The following FREM1 variants were observed in gnomAD, a reference collection of about 807,000 sequenced individuals.
The protein encoded by FREM1 is FRAS1-related extracellular matrix protein 1.
Under a neutral mutation model 210.1 loss-of-function variants are expected in FREM1, and 220 were observed. The observed-to-expected ratio is 1.05, with a 90% CI of 0.94 to 1.17. The LOEUF is 1.17. FREM1 is among the 50% of genes most tolerant of loss of function. The probability of loss-of-function intolerance (pLI) is 0.00; values close to 1 mark genes in which losing one functional copy is unlikely to be tolerated. For missense variants in FREM1, 3,454 were observed against 2,675.5 expected (o/e 1.29, Z -6.42); for synonymous variants, 1,189 against 980.2 (o/e 1.21, Z -3.98).
At chr9:14,781,149 C>T (rs1849586145) in intron 24 of FREM1, among the ~76,000 whole-genome samples, 2 of 152,218 alleles carry the variant, frequency 1.3e-5, no homozygotes, top group Non-Finnish European at 2.9e-5. Flanking sequence ...GTTTAGGTGA[C>T]TTCCTTTGCC....
chr9:14,864,797 A>G (rs1831215545), intron 2 of FREM1, among the ~76,000 whole-genome samples: 1 of 152,180 alleles, frequency 6.6e-6, no homozygotes, highest in South Asian at 2.1e-4. Context: ...ACATTTTCAG[A>G]CAACATAATT....
chr9:14,904,955 C>T (rs923100138), intron 1 of FREM1, among the ~76,000 whole-genome samples: 1 of 152,174 alleles, frequency 6.6e-6, no homozygotes, highest in Non-Finnish European at 1.5e-5. Context: ...CATCAACCAC[C>T]TCATTTACCT....
chr9:14,768,402 A>G (rs191916121), intron 27 of FREM1, among the ~76,000 whole-genome samples: 17 of 151,658 alleles, frequency 1.1e-4, no homozygotes, highest in Admixed American at 1.1e-3. Context: ...TTTCCCATAA[A>G]GATTGTGATC....
Position 14,797,953 on chromosome 9 carries a change from T to C in FREM1, c.3695-311A>G, listed in dbSNP as rs939812756. Among the ~76,000 whole-genome samples the C allele has an allele frequency of 6.6e-5, 10 of 152,242 alleles. No homozygotes were observed. The South Asian group carries it at 1.9e-3, about 28-fold the overall frequency. ...AAATAAAACTGAGAAAGTTAATTAT[T>C]TGGGGAAAATTATAGAGTTATATCC... is the stretch of plus-strand genomic sequence containing the variant. On this transcript the variant is annotated intron_variant, in intron 20 of 36. Transcript: ENST00000380880.
Position 14,819,395 on chromosome 9 carries a change from G to A in FREM1, c.2385C>T (p.Ile795=). The A allele has an allele frequency of 6.2e-7, 1 of 1,613,576 alleles. No homozygotes were observed. Among genetic ancestry groups the A allele is most frequent in the Non-Finnish European group, 8.5e-7 (1 of 1,179,616 alleles). The part of the protein sequence containing the change: ...LKVTEGGQSI[I]STEHILISDA... ...CAGAAATTAGAATGTGCTCTGTGCT[G>A]ATGATGCTTTGACCTCCCTCAGTCA... Residue 795 remains isoleucine, a synonymous_variant, in exon 14 of 37, where the codon ATC becomes ATT. Coordinates refer to ENST00000380880, the MANE Select transcript of FREM1 (RefSeq NM_001379081.2).
At position 14,737,508 on chromosome 9, in the gene FREM1, T is replaced by C. The variant is rs10961689; in HGVS notation, c.6428A>G (p.Gln2143Arg). 6.2e-7 allele frequency: 1 copy of C among 1,612,170 alleles called. No individual in the cohort carries two copies. Among genetic ancestry groups the C allele is most frequent in the Admixed American group, 1.7e-5 (1 of 59,822 alleles). ...AFTNGRRGPS[Q>R]RSKLGKSCVL... ...ACAGCTCTTTCCAAGCTTGGAGCGT[T>C]GAGAGGGCCCTCTTCTCCCATTGGT... The change falls in exon 37 of 37, where the codon CAA (glutamine) becomes CGA (arginine). Residue 2143 changes from glutamine (Q) to arginine (R), a missense_variant. Coordinates refer to ENST00000380880, the MANE Select transcript of FREM1 (RefSeq NM_001379081.2).
intron 10 of FREM1, among the ~76,000 whole-genome samples, chr9:14,833,640 G>A (rs1823991244): frequency 6.6e-6 from 1 of 152,186 alleles, no homozygotes; most frequent in South Asian, 2.1e-4. Context: ...AATCTTTACT[G>A]CTTGGTGTAG....
intron 35 of FREM1, among the ~76,000 whole-genome samples, chr9:14,745,935 T>A (rs1435618727): frequency 6.6e-6 from 1 of 152,204 alleles, no homozygotes; most frequent in African/African-American, 2.4e-5. Context: ...TTTTCATTAC[T>A]ATATACTTTC....
chr9:14,898,729 C>T (rs902766225), intron 1 of FREM1, among the ~76,000 whole-genome samples: 21 of 152,262 alleles, frequency 1.4e-4, no homozygotes, highest in African/African-American at 3.8e-4. Context: ...GCGACAGAGA[C>T]TCTGTCTCAA....
chr9:14,739,174 G>A (rs933965067), intron 36 of FREM1, among the ~76,000 whole-genome samples: 2 of 151,526 alleles, frequency 1.3e-5, no homozygotes, highest in Non-Finnish European at 2.9e-5. Context: ...CACAATCACG[G>A]CTCACTGCAG....
chr9:14,803,191 C>T (rs1817632524), intron 19 of FREM1, among the ~76,000 whole-genome samples: 1 of 138,270 alleles, frequency 7.2e-6, no homozygotes. Flanking sequence ...TCCTTCCCTT[C>T]CTCCCTCCCT....
At chr9:14,762,950 A>C (rs1300669443) in intron 27 of FREM1, among the ~76,000 whole-genome samples, 2 of 152,178 alleles carry the variant, frequency 1.3e-5, no homozygotes, top group Non-Finnish European at 2.9e-5. Context: ...CCAGGAGCCC[A>C]TGAGAGAAAT....
chr9:14,743,510 T>G (rs1841913460), intron 35 of FREM1, among the ~76,000 whole-genome samples: 1 of 152,092 alleles, frequency 6.6e-6, no homozygotes, highest in Non-Finnish European at 1.5e-5. Context: ...CACTTGGCAA[T>G]GTGACACCAC....
rs543039550 is a variant in FREM1, at chr9:14,861,365, A to G, written c.330-1881T>C. On this transcript the variant is annotated intron_variant, in intron 3 of 36. Transcript: ENST00000380880. ...CATATATATACATATATACACATAT[A>G]TACACGTATATACATATATGTACAC... 4.5e-4 allele frequency among the ~76,000 whole-genome samples: 40 copies of G among 88,806 alleles called. 1 individual carries two copies. Among genetic ancestry groups the G allele is most frequent in the Non-Finnish European group, 6.9e-4 (30 of 43,612 alleles). The allele number at this position is 88,806 out of a possible 152,430, so 58.3% of individuals were successfully genotyped here. A position where few individuals can be genotyped will look rare whatever the true frequency, so the allele number is the denominator to read the frequency against.
At position 14,801,623 on chromosome 9, in the gene FREM1, C is replaced by T. The variant is rs377093420; in HGVS notation, c.3694+29G>A. ...GGTTAAATTATTCAATCAACAATAACAAATGCATGGAAGTGGAACATGCTA... is the reference window on the plus strand; with the variant it reads ...GGTTAAATTATTCAATCAACAATAATAAATGCATGGAAGTGGAACATGCTA... On this transcript the variant is annotated intron_variant, in intron 20 of 36. Coordinates refer to ENST00000380880, the MANE Select transcript of FREM1 (RefSeq NM_001379081.2). 438 of 1,442,558 alleles carry T rather than the reference C, an allele frequency of 3.0e-4. 1 individual carries two copies. The highest frequency in any genetic ancestry group is 3.9e-4 in the Admixed American group (23 of 58,644). 89.4% of individuals were successfully genotyped at this position (1,442,558 alleles called of 1,614,324 possible). A position where few individuals can be genotyped will look rare whatever the true frequency, so the allele number is the denominator to read the frequency against.
chr9:14,829,584 C>T (rs1366175264), intron 10 of FREM1, among the ~76,000 whole-genome samples: 1 of 152,184 alleles, frequency 6.6e-6, no homozygotes, highest in Admixed American at 6.5e-5. Flanking sequence ...CAAGCTCTTG[C>T]TCTCTTCTCA....
intron 10 of FREM1, among the ~76,000 whole-genome samples, chr9:14,830,201 C>G (rs368318454): frequency 6.6e-6 from 1 of 152,152 alleles, no homozygotes; most frequent in Admixed American, 6.5e-5. Flanking sequence ...AGAACCCATT[C>G]CCACAAGAAA....
At chr9:14,859,121 G>T in intron 4 of FREM1, 62 bp downstream of exon 4, 1 of 1,317,280 alleles carries the variant, frequency 7.6e-7, no homozygotes, top group Non-Finnish European at 1.0e-6. Flanking sequence ...TGGAAGGTGA[G>T]CATGCATGGA....
chr9:14,770,815 T>C lies in FREM1; in HGVS notation c.4858-9A>G, dbSNP rs1233616545. The stretch of plus-strand genomic sequence containing the variant: ...TTGTCCAATTGGTCTACCTGGATCA[T>C]CAACAATGACATAAAATGTTGTCCA... On this transcript the variant is annotated splice_polypyrimidine_tract_variant and intron_variant, in intron 25 of 36. Transcript: ENST00000380880. 3 of 1,603,792 alleles carry C rather than the reference T, an allele frequency of 1.9e-6. No homozygotes were observed. The highest frequency in any genetic ancestry group is 1.7e-5 in the Admixed American group (1 of 59,166).
Sources: gnomAD v4.1 joint callset for allele counts (sites outside exome capture counted in the v4.1 genomes callset) on GRCh38, gnomAD v4.1.1 for gene constraint, MANE v1.5 for transcripts, NCBI Gene and HGNC (gene_info 2026-07-23, HGNC 2026-07-21) for gene names.